Variants in IL17REL observed in about 807,000 individuals in gnomAD.
IL17REL encodes interleukin 17 receptor E like.
A neutral mutation model predicts 49.0 loss-of-function variants in IL17REL; 36 were observed. The observed-to-expected ratio is 0.73, with a 90% CI of 0.56 to 0.97. IL17REL has a LOEUF of 0.97. IL17REL is among the 50% of genes least tolerant of loss of function. The probability of loss-of-function intolerance (pLI) is 0.00; values close to 1 mark genes in which losing one functional copy is unlikely to be tolerated. For synonymous variants in IL17REL, 206 were observed against 192.4 expected, an observed-to-expected ratio of 1.07 and a Z score of -0.58; for missense variants, 470 against 453.9, an observed-to-expected ratio of 1.04 and a Z score of -0.32.
chr22:50,003,146 C>A (rs1373769738), intron 1 of IL17REL, among the ~76,000 whole-genome samples: 1 of 152,118 alleles, frequency 6.6e-6, no homozygotes, highest in Admixed American at 6.5e-5. Flanking sequence ...GGAGAATATC[C>A]ACTTTGCTAA....
upstream of IL17REL, among the ~76,000 whole-genome samples, chr22:50,010,142 G>A (rs2061131121): frequency 6.6e-6 from 1 of 152,200 alleles, no homozygotes; most frequent in Admixed American, 6.5e-5. Flanking sequence ...AGACTGCCGT[G>A]AGTGACCCTC....
At chr22:49,993,852 C>A (rs1033747039), downstream of IL17REL, among the ~76,000 whole-genome samples, 4 of 152,236 alleles carry the variant, frequency 2.6e-5, no homozygotes, top group South Asian at 2.1e-4. This position sits in a 1 kb window ranked among gnomAD's most constrained non-coding sequence, Gnocchi z 6.0. Context: ...CAGGGAGCAC[C>A]CCTGGCTGGT....
chr22:49,998,032 C>A (rs533805690), exon 9 of IL17REL: 2 of 1,596,874 alleles, frequency 1.3e-6, no homozygotes, highest in Non-Finnish European at 1.7e-6. Context: ...CACCTTCAGG[C>A]AGAGCTGGGG....
At chr22:50,004,520 G>A (rs1466620843) in intron 1 of IL17REL, among the ~76,000 whole-genome samples, 1 of 152,112 alleles carries the variant, frequency 6.6e-6, no homozygotes, top group African/African-American at 2.4e-5. Flanking sequence ...GGCTTGGTAT[G>A]CAGCAATCTT....
At chr22:50,000,484 C>A in exon 4 of IL17REL, 1 of 1,612,238 alleles carries the variant, frequency 6.2e-7, no homozygotes, top group Middle Eastern at 1.7e-4. Context: ...CTACCTTCCA[C>A]GAGGTGCCTC....
In IL17REL at chr22:49,997,073, C is replaced by T. The variant is rs569746073; in HGVS notation, c.976G>A (p.Val326Met). Residue 326 changes from valine (V) to methionine (M), a missense_variant and splice_region_variant, in exon 12 of 13, where the codon GTG (valine) becomes ATG (methionine). Coordinates refer to ENST00000341280, the Ensembl canonical transcript of IL17REL. ...AAAAGCAGGGGCGGCTGCCAGGTCA[C>T]CCTGGGTGGGGGAGGGCAGGTCACA... is the stretch of plus-strand genomic sequence containing the variant. The T allele has an allele frequency of 2.4e-5, 37 of 1,569,572 alleles. No homozygotes were observed. In the South Asian group the frequency reaches 2.7e-4, roughly 12 times the overall value.
chr22:50,003,292 C>A (rs77168786), intron 1 of IL17REL, among the ~76,000 whole-genome samples: 4 of 152,022 alleles, frequency 2.6e-5, no homozygotes, highest in African/African-American at 9.7e-5. Flanking sequence ...AAGGCCAAGG[C>A]GGGCGGATCA....
chr22:49,997,232 TG>T, intron 11 of IL17REL, 87 bp downstream of exon 13: 2 of 1,462,760 alleles, frequency 1.4e-6, no homozygotes, highest in Non-Finnish European at 1.9e-6. Flanking sequence ...AGGGCCCGGG[TG>T]GGGCAGAGAC....
upstream of IL17REL, among the ~76,000 whole-genome samples, chr22:50,009,476 G>A (rs923322012): frequency 1.3e-5 from 2 of 152,320 alleles, no homozygotes; most frequent in East Asian, 3.9e-4. Flanking sequence ...AGCACAGGGT[G>A]GCACTGGCGC....
At chr22:50,002,688 T>A (rs2061086206) in intron 1 of IL17REL, among the ~76,000 whole-genome samples, 2 of 151,746 alleles carry the variant, frequency 1.3e-5, no homozygotes, top group African/African-American at 4.8e-5. Context: ...AGAGACAAGG[T>A]TTCACCATGC....
At chr22:49,997,183 A>G in intron 11 of IL17REL, 109 bp from the exon 14 acceptor site, 1 of 1,388,272 alleles carries the variant, frequency 7.2e-7, no homozygotes, top group Non-Finnish European at 9.9e-7. Flanking sequence ...CTGGCCTCCC[A>G]TCCCTCCCTG....
downstream of IL17REL, among the ~76,000 whole-genome samples, chr22:49,993,613 CT>C (rs1406410588): frequency 6.6e-6 from 1 of 152,180 alleles, no homozygotes; most frequent in Non-Finnish European, 1.5e-5. The surrounding 1 kb of genome is among the most constrained non-coding windows in gnomAD (Gnocchi z 6.0). Context: ...AGTAGGACAG[CT>C]GAGATCTGAA....
chr22:50,006,340 G>T lies in IL17REL; in HGVS notation c.-42+2297C>A, dbSNP rs539771624. 3.0e-4 allele frequency among the ~76,000 whole-genome samples: 45 copies of T among 152,158 alleles called. 1 individual carries two copies. The highest frequency in any genetic ancestry group is 1.1e-3 in the African/African-American group (44 of 41,554). On this transcript the variant is annotated intron_variant, in intron 1 of 12. Transcript: ENST00000341280. Reference sequence around the variant, plus strand: ...TCAGTCTGTGAATCTGGTTTAAACGGCCCCGACAGTCAGACACTGCTCCTG... The same window carrying T: ...TCAGTCTGTGAATCTGGTTTAAACGTCCCCGACAGTCAGACACTGCTCCTG...
At chr22:50,012,433 C>G (rs2061146667), upstream of IL17REL, 2 of 152,556 alleles carry the variant, frequency 1.3e-5, no homozygotes, top group Non-Finnish European at 1.5e-5. Flanking sequence ...CCCCAGGGCC[C>G]TGCAACCCCT....
At chr22:49,994,716 C>T (rs1228329711) in exon 13 of IL17REL, 1 of 152,356 alleles carries the variant, frequency 6.6e-6, no homozygotes, top group African/African-American at 2.4e-5. Context: ...GCGACCACCG[C>T]TGGGACAGGC....
chr22:49,997,620 C>T (rs1377505190), intron 10 of IL17REL, 65 bp downstream of exon 12: 1 of 1,533,956 alleles, frequency 6.5e-7, no homozygotes, highest in Non-Finnish European at 9.0e-7. Flanking sequence ...CCCTGACCAG[C>T]ACAGAGTGAT....
At chr22:49,997,643 C>T (rs1208739082) in intron 10 of IL17REL, 42 bp downstream of exon 12, 1 of 1,581,580 alleles carries the variant, frequency 6.3e-7, no homozygotes, top group South Asian at 1.1e-5. Flanking sequence ...AAAGGATGTT[C>T]TGTGCTGCGT....
At chr22:49,999,019 C>T (rs2061057142) in intron 7 of IL17REL, among the ~76,000 whole-genome samples, 1 of 152,126 alleles carries the variant, frequency 6.6e-6, no homozygotes, top group Non-Finnish European at 1.5e-5. Flanking sequence ...GGACGTCTCT[C>T]TTGTGCCCCT....
At chr22:50,009,027 C>A (rs889383362), upstream of IL17REL, 1 of 152,084 alleles carries the variant, frequency 6.6e-6, no homozygotes, top group Non-Finnish European at 1.5e-5. Context: ...CAGAACGATC[C>A]GAAACCTGGG....
Sources: gnomAD v4.1 joint callset for allele counts (sites outside exome capture counted in the v4.1 genomes callset) on GRCh38, gnomAD v4.1.1 for gene constraint, Gnocchi (gnomAD v3.1) non-coding constraint, MANE v1.5 for transcripts, NCBI Gene and HGNC (gene_info 2026-07-23, HGNC 2026-07-21) for gene names.